PHC1: variants seen among roughly 807,000 people sequenced by gnomAD.
PHC1 encodes polyhomeotic homolog 1.
Under a neutral mutation model 104.3 loss-of-function variants are expected in PHC1, and 12 were observed. The ratio of observed to expected loss-of-function variants is 0.12; its 90% CI spans 0.07 to 0.19. The LOEUF (loss-of-function observed/expected upper bound fraction) is 0.19, where lower values mean the gene tolerates loss of function less well. Among genes scored for constraint, PHC1 ranks in the 10% least tolerant of loss-of-function variants. PHC1 has a pLI of 1.00. For synonymous variants in PHC1, 302 were observed against 455.8 expected, an observed-to-expected ratio of 0.66 and a Z score of 4.30; for missense variants, 671 against 1,200.0, an observed-to-expected ratio of 0.56 and a Z score of 6.51.
intron 6 of PHC1, among the ~76,000 whole-genome samples, chr12:8,927,897 CTTTCTTTCTTTCTTTCT>C (rs1565517520): frequency 2.4e-4 from 27 of 110,722 alleles, no homozygotes; most frequent in African/African-American, 1.0e-3. Context: ...TTCTTTCTTT[CTTTCTTTCTTTCTTTCT>C]TTTTTTTTTT....
chr12:8,938,921 G>C (rs763266324), intron 14 of PHC1, among the ~76,000 whole-genome samples: 10 of 152,110 alleles, frequency 6.6e-5, no homozygotes, highest in Non-Finnish European at 1.5e-4. Context: ...CGCATCCTGG[G>C]CTCAAATGAT....
Position 8,937,931 on chromosome 12 carries a change from C to T in PHC1, c.2731C>T (p.Arg911Cys), listed in dbSNP as rs1945886683. Residue 911 changes from arginine to cysteine, a missense_variant, in exon 14 of 15, where the codon CGT (arginine) becomes TGT (cysteine). Arg to Cys is a radical substitution (Grantham distance 180). Around this residue, in one of 9 missense-constraint regions of PHC1, gnomAD observed 192 missense variants for 280.5 expected, o/e 0.68. Coordinates refer to ENST00000544916, the MANE Select transcript of PHC1 (RefSeq NM_004426.3). ...PLSVRAGHGE[R>C]DLGNPNTAPP... ...ATCAGTAAGAGCTGGGCATGGAGAA[C>T]GTGACCTGGGGAATCCCAATACAGC... 2.5e-6 allele frequency: 4 copies of T among 1,603,884 alleles called. No homozygotes were observed. The highest frequency in any genetic ancestry group is 1.3e-5 in the African/African-American group (1 of 74,858).
Position 8,934,495 on chromosome 12 carries a change from A to G in PHC1, c.2253+17A>G, listed in dbSNP as rs374276460. On this transcript the variant is annotated intron_variant, in intron 10 of 14. Transcript: ENST00000544916. ...CCTTTCCCGGTGAGGGCAGGGCCATAAGGTGGGACTTTGAAGTGGGGACTT... is the reference window on the plus strand; with the variant it reads ...CCTTTCCCGGTGAGGGCAGGGCCATGAGGTGGGACTTTGAAGTGGGGACTT... 154 of 1,596,012 alleles carry G rather than the reference A, an allele frequency of 9.6e-5. No homozygotes were observed. In the African/African-American group the frequency reaches 1.9e-3, roughly 19 times the overall value.
chr12:8,939,827 G>A lies in PHC1; in HGVS notation c.*368G>A. The A allele has an allele frequency of 2.2e-6, 1 of 464,440 alleles. No homozygotes were observed. Among genetic ancestry groups the A allele is most frequent in the South Asian group, 1.5e-5 (1 of 64,628 alleles). The allele number at this position is 464,440 out of a possible 1,614,324, so 28.8% of individuals were successfully genotyped here. On this transcript the variant is annotated 3_prime_UTR_variant, in exon 15 of 15. Coordinates refer to ENST00000544916, the MANE Select transcript of PHC1 (RefSeq NM_004426.3). ...AGAGGAGGAATACATAGTATGGTAAGGCAAGGAACTGGGTGGAATGTCAGG... is the reference window on the plus strand; with the variant it reads ...AGAGGAGGAATACATAGTATGGTAAAGCAAGGAACTGGGTGGAATGTCAGG...
At chr12:8,921,467 A>G (rs1945361287) in intron 4 of PHC1, 134 bp from the exon 5 acceptor site, 4 of 810,610 alleles carry the variant, frequency 4.9e-6, no homozygotes, top group African/African-American at 1.8e-5. Context: ...ATATGAAGAC[A>G]TTATTTATTT....
intron 11 of PHC1, among the ~76,000 whole-genome samples, chr12:8,935,783 G>A (rs145705384): frequency 3.3e-5 from 5 of 151,640 alleles, no homozygotes; most frequent in East Asian, 1.9e-4. Context: ...TTTTTGAGAC[G>A]GAGTTTCGCT....
In PHC1 at chr12:8,930,570, G is replaced by A; in HGVS notation, c.748G>A (p.Val250Met). Residue 250 changes from valine to methionine, a missense_variant, in exon 7 of 15, where the codon GTG (valine) becomes ATG (methionine). Coordinates refer to ENST00000544916, the MANE Select transcript of PHC1 (RefSeq NM_004426.3). ...LSQASSQALA[V>M]AQASSGATNQ... ...CCAGGCCTCTAGCCAGGCCCTAGCG[G>A]TGGCACAGGCTTCCTCTGGGGCCAC... 2 of 1,569,090 alleles carry A rather than the reference G, an allele frequency of 1.3e-6. No individual in the cohort carries two copies. Among genetic ancestry groups the A allele is most frequent in the Non-Finnish European group, 1.7e-6 (2 of 1,156,276 alleles).
chr12:8,939,210 T>A, intron 14 of PHC1, 95 bp from the exon 15 acceptor site: 1 of 1,431,956 alleles, frequency 7.0e-7, no homozygotes, highest in East Asian at 2.3e-5. Context: ...TTAGGACAGG[T>A]ACTTTGGAAT....
intron 7 of PHC1, 138 bp from the exon 8 acceptor site, chr12:8,932,425 A>G (rs1945712234): frequency 2.4e-6 from 2 of 827,380 alleles, no homozygotes; most frequent in South Asian, 1.8e-5. Flanking sequence ...TCCAAGTTTC[A>G]TACTGACTAG....
intron 14 of PHC1, 55 bp downstream of exon 14, chr12:8,938,115 A>G (rs1945894551): frequency 8.3e-7 from 1 of 1,206,016 alleles, no homozygotes; most frequent in Non-Finnish European, 1.2e-6. Context: ...ATCATCCCAC[A>G]GGGGCCTTGA....
chr12:8,937,374 T>TG, intron 13 of PHC1, 48 bp downstream of exon 13: 1 of 1,504,926 alleles, frequency 6.6e-7, no homozygotes, highest in Non-Finnish European at 8.9e-7. Context: ...GGGTCTTTTT[T>TG]TCTTTCCCTG....
chr12:8,917,425 A>G (rs930534206), intron 1 of PHC1, among the ~76,000 whole-genome samples: 5 of 152,208 alleles, frequency 3.3e-5, no homozygotes, highest in African/African-American at 7.2e-5. Context: ...TTGAGACTGC[A>G]TAGCTTCAAA....
intron 7 of PHC1, among the ~76,000 whole-genome samples, 160 bp downstream of exon 7, chr12:8,931,087 T>C (rs150153698): frequency 1.3e-5 from 2 of 152,296 alleles, no homozygotes; most frequent in East Asian, 1.9e-4. Context: ...CTTGAACATA[T>C]TAGTTCAGGG....
At chr12:8,934,652 T>C (rs960433633) in intron 10 of PHC1, among the ~76,000 whole-genome samples, 174 bp downstream of exon 10, 7 of 151,976 alleles carry the variant, frequency 4.6e-5, no homozygotes, top group African/African-American at 1.7e-4. Flanking sequence ...GACCATAAAA[T>C]GAAAATGTTA....
At chr12:8,930,394 C>G (rs751114291) in intron 6 of PHC1, 41 bp from the exon 7 acceptor site, 2 of 1,582,622 alleles carry the variant, frequency 1.3e-6, no homozygotes, top group Non-Finnish European at 1.7e-6. Context: ...CTTAATGCCT[C>G]CAGTCCTCCT....
rs372203373 is a variant in PHC1, at chr12:8,933,876, G to A, written c.1905G>A (p.Gln635=). 1.2e-6 allele frequency: 2 copies of A among 1,613,146 alleles called. No homozygotes were observed. The highest frequency in any genetic ancestry group is 1.7e-6 in the Non-Finnish European group (2 of 1,179,204). Residue 635 remains glutamine, a synonymous_variant, in exon 9 of 15, where the codon CAG becomes CAA. Transcript: ENST00000544916. ...TCTTTACGGTATAGGGTAAACCCCA[G>A]ACATTGGCTGTCAAACGCAAGGCTG... ...MQSVHLPGKP[Q]TLAVKRKADS...
At chr12:8,924,138 A>G (rs1054842197) in intron 6 of PHC1, among the ~76,000 whole-genome samples, 7 of 152,154 alleles carry the variant, frequency 4.6e-5, no homozygotes, top group African/African-American at 1.4e-4. Flanking sequence ...TTGCAGGATT[A>G]AAAAATAAAT....
Position 8,930,685 on chromosome 12 carries a change from A to ATGG in PHC1, c.868_870dup (p.Gly290dup), listed in dbSNP as rs761048902. On this transcript the variant is annotated inframe_insertion, in exon 7 of 15. Transcript: ENST00000544916. Reference sequence around the variant, plus strand: ...GGTCCAGGTGGAGGTGGGCAGGCACATGGTGGTTTGGGTCAGTTGCCTTCC... The same window carrying ATGG: ...GGTCCAGGTGGAGGTGGGCAGGCACATGGTGGTGGTTTGGGTCAGTTGCCTTCC... 4 of 1,355,664 alleles carry ATGG rather than the reference A, an allele frequency of 3.0e-6. No individual in the cohort carries two copies. The highest frequency in any genetic ancestry group is 4.1e-6 in the Non-Finnish European group (4 of 986,522). The allele number at this position is 1,355,664 out of a possible 1,614,324, so 84.0% of individuals were successfully genotyped here.
At chr12:8,927,910 T>TTTCTTTCC (rs1945573020) in intron 6 of PHC1, among the ~76,000 whole-genome samples, 1 of 97,216 alleles carries the variant, frequency 1.0e-5, no homozygotes, top group Non-Finnish European at 2.0e-5. Flanking sequence ...TCTTTCTTTC[T>TTTCTTTCC]TTCTTTTTTT....
Sources: gnomAD v4.1 joint callset for allele counts (sites outside exome capture counted in the v4.1 genomes callset) on GRCh38, gnomAD v4.1.1 for gene constraint, gnomAD v4.1.1 regional missense constraint, MANE v1.5 for transcripts, NCBI Gene and HGNC (gene_info 2026-07-23, HGNC 2026-07-21) for gene names.